Variants in HMGN5 observed in about 807,000 individuals in gnomAD.
The protein encoded by HMGN5 is high mobility group nucleosome-binding domain-containing protein 5.
A neutral mutation model predicts 9.5 loss-of-function variants in HMGN5; 4 were observed. The observed-to-expected ratio is 0.42, with a 90% CI of 0.21 to 0.96. The LOEUF is 0.96. Among genes scored for constraint, HMGN5 ranks in the 40% least tolerant of loss-of-function variants. The probability of loss-of-function intolerance (pLI) is 0.30; values close to 1 mark genes in which losing one functional copy is unlikely to be tolerated. For missense variants in HMGN5, 192 were observed against 187.5 expected (o/e 1.02, Z -0.14); for synonymous variants, 55 against 57.1 (o/e 0.96, Z 0.16).
chrX:81,168,444 C>T (rs2075416930), intron 1 of HMGN5, among the ~76,000 whole-genome samples: 1 of 111,356 alleles, frequency 9.0e-6, no homozygotes, highest in South Asian at 3.8e-4. Context: ...GGCTGACTGT[C>T]CACAGACCCC....
At chrX:81,136,521 C>A (rs1450905230) in intron 1 of HMGN5, among the ~76,000 whole-genome samples, 1 of 111,169 alleles carries the variant, frequency 9.0e-6, no homozygotes, top group African/African-American at 3.3e-5. Context: ...CCTACAGCAA[C>A]CTCTATGAAA....
chrX:81,120,460 A>AG (rs1356001072), intron 2 of HMGN5, among the ~76,000 whole-genome samples: 1 of 111,160 alleles, frequency 9.0e-6, no homozygotes, highest in African/African-American at 3.3e-5. Context: ...AATCTCAGGA[A>AG]GGGGGGATGG....
intron 1 of HMGN5, among the ~76,000 whole-genome samples, chrX:81,127,342 T>C (rs1458417358): frequency 9.0e-6 from 1 of 111,639 alleles, no homozygotes; most frequent in Non-Finnish European, 1.9e-5. Context: ...GTTTTCGGTG[T>C]AGTCCAACTG....
At chrX:81,134,057 A>T (rs762615934) in intron 1 of HMGN5, among the ~76,000 whole-genome samples, 1 of 111,759 alleles carries the variant, frequency 8.9e-6, no homozygotes, top group Admixed American at 9.5e-5. Context: ...GAACGAATTT[A>T]TTAATGATGA....
At chrX:81,177,367 C>CAAAA (rs148090852) in intron 1 of HMGN5, among the ~76,000 whole-genome samples, 277 of 10,700 alleles carry the variant, frequency 0.026, 26 homozygotes, top group Non-Finnish European at 0.032. Context: ...AAATGGAAAG[C>CAAAA]AAAAAAAAAA....
intron 1 of HMGN5, among the ~76,000 whole-genome samples, chrX:81,166,315 G>T (rs2075411252): frequency 9.0e-6 from 1 of 111,356 alleles, no homozygotes; most frequent in East Asian, 2.8e-4. Context: ...GGTAATGAGA[G>T]AATAAGAAAC....
intron 5 of HMGN5, among the ~76,000 whole-genome samples, chrX:81,117,090 A>G (rs1282463055): frequency 9.0e-6 from 1 of 111,100 alleles, no homozygotes; most frequent in Non-Finnish European, 1.9e-5. Flanking sequence ...TTACAAGGAG[A>G]AAATGAGAAA....
intron 1 of HMGN5, among the ~76,000 whole-genome samples, chrX:81,171,784 C>A (rs2075426461): frequency 1.8e-5 from 2 of 111,314 alleles, no homozygotes; most frequent in Admixed American, 1.9e-4. Flanking sequence ...CACTCCAACC[C>A]TTGATCACTA....
intron 1 of HMGN5, among the ~76,000 whole-genome samples, chrX:81,185,625 C>G (rs2075475187): frequency 9.0e-6 from 1 of 111,328 alleles, no homozygotes; most frequent in South Asian, 3.7e-4. Context: ...TTTCTGATTA[C>G]TCTAACTAGG....
rs1000931674 is a variant in HMGN5, at chrX:81,137,525, A to G, written c.-123-15853T>C. Among the ~76,000 whole-genome samples the G allele has an allele frequency of 8.9e-5, 10 of 111,802 alleles. No homozygotes were observed. The Admixed American group carries it at 9.5e-4, about 11-fold the overall frequency. On this transcript the variant is annotated intron_variant, in intron 1 of 6. Transcript: ENST00000358130. The stretch of plus-strand genomic sequence containing the variant: ...TAAGGAAAATAACAATAAAACAAAC[A>G]TATCAAAATATAGGAGATACAGCTA...
At chrX:81,180,679 A>T (rs1306273589) in intron 1 of HMGN5, among the ~76,000 whole-genome samples, 1 of 111,968 alleles carries the variant, frequency 8.9e-6, no homozygotes, top group Non-Finnish European at 1.9e-5. Context: ...ATATCATTTG[A>T]CCCAGCAATC....
intron 1 of HMGN5, among the ~76,000 whole-genome samples, chrX:81,155,849 A>G (rs2075381673): frequency 9.0e-6 from 1 of 111,727 alleles, no homozygotes; most frequent in African/African-American, 3.3e-5. Flanking sequence ...GTGATAGTGT[A>G]TACATGAACC....
chrX:81,191,168 G>C (rs2075493140), intron 1 of HMGN5, among the ~76,000 whole-genome samples: 1 of 111,668 alleles, frequency 9.0e-6, no homozygotes, highest in Non-Finnish European at 1.9e-5. Context: ...ATTTAAAATA[G>C]TTTATTAGAT....
chrX:81,175,687 T>C (rs2075439601), intron 1 of HMGN5, among the ~76,000 whole-genome samples: 2 of 110,902 alleles, frequency 1.8e-5, no homozygotes, highest in South Asian at 7.7e-4. Context: ...TGCTCCCAAC[T>C]CTGTGGCTCC....
intron 1 of HMGN5, among the ~76,000 whole-genome samples, chrX:81,125,946 G>C (rs1000381743): frequency 9.1e-6 from 1 of 110,323 alleles, no homozygotes; most frequent in Non-Finnish European, 1.9e-5. Context: ...TGAAGAGTTC[G>C]AGATCAACAT....
At chrX:81,125,743 C>G (rs2075281464) in intron 1 of HMGN5, among the ~76,000 whole-genome samples, 1 of 111,803 alleles carries the variant, frequency 8.9e-6, no homozygotes, top group African/African-American at 3.3e-5. Flanking sequence ...TTCAGACATT[C>G]AAGTTTAGCA....
At chrX:81,165,351 C>T (rs2147630225) in intron 1 of HMGN5, among the ~76,000 whole-genome samples, 1 of 110,857 alleles carries the variant, frequency 9.0e-6, no homozygotes, top group Non-Finnish European at 1.9e-5. Flanking sequence ...CCCATATTTG[C>T]CACTGAGATG....
chrX:81,196,200 G>C (rs146386090), intron 1 of HMGN5, among the ~76,000 whole-genome samples: 5 of 111,241 alleles, frequency 4.5e-5, no homozygotes, highest in African/African-American at 1.3e-4. Context: ...AATGTGTTGT[G>C]TGTTAATAGA....
chrX:81,127,422 T>C, intron 1 of HMGN5, among the ~76,000 whole-genome samples: 1 of 111,957 alleles, frequency 8.9e-6, no homozygotes, highest in East Asian at 2.8e-4. Flanking sequence ...TCAAATAGGT[T>C]GTGTGTTAGA....
Sources: gnomAD v4.1 joint callset for allele counts (sites outside exome capture counted in the v4.1 genomes callset) on GRCh38, gnomAD v4.1.1 for gene constraint, MANE v1.5 for transcripts, NCBI Gene and HGNC (gene_info 2026-07-23, HGNC 2026-07-21) for gene names.